A4GNT: variants seen among roughly 807,000 people sequenced by gnomAD.
A4GNT encodes alpha-1,4-N-acetylglucosaminyltransferase.
A4GNT carries 6 observed loss-of-function variants against 8.3 expected under a neutral mutation model. That is an observed-to-expected ratio of 0.72 (90% confidence interval 0.39 to 1.42). The LOEUF (loss-of-function observed/expected upper bound fraction) is 1.42. Ranked by LOEUF, A4GNT falls within the 40% of genes most tolerant of loss-of-function variation. A4GNT has a pLI of 0.02. For synonymous variants in A4GNT, 157 were observed against 159.8 expected, an observed-to-expected ratio of 0.98 and a Z score of 0.13; for missense variants, 377 against 417.0, an observed-to-expected ratio of 0.90 and a Z score of 0.84.
At chr3:138,128,504 C>G (rs2042759058) in intron 2 of A4GNT, among the ~76,000 whole-genome samples, 1 of 152,022 alleles carries the variant, frequency 6.6e-6, no homozygotes, top group African/African-American at 2.4e-5. Flanking sequence ...CACTTTTAAA[C>G]AACCAGATCT....
chr3:138,132,870 T>C (rs1015255457), upstream of A4GNT, among the ~76,000 whole-genome samples: 1 of 152,170 alleles, frequency 6.6e-6, no homozygotes, highest in Non-Finnish European at 1.5e-5. Context: ...TTCCCCAGTG[T>C]CAGTCACAGT....
chr3:138,124,102 T>G lies in A4GNT; in HGVS notation c.*162A>C. The G allele has an allele frequency of 2.2e-6, 2 of 928,138 alleles. No individual in the cohort carries two copies. Among genetic ancestry groups the G allele is most frequent in the Non-Finnish European group, 3.1e-6 (2 of 635,468 alleles). 57.5% of individuals were successfully genotyped at this position (928,138 alleles called of 1,614,324 possible). ...GGTGTATGTTTTATAGCCAGTATCA[T>G]TTGGGATTTTTCTATTACAGACAGA... On this transcript the variant is annotated 3_prime_UTR_variant, in exon 3 of 3. Transcript: ENST00000236709.
chr3:138,124,068 T>C lies in A4GNT; in HGVS notation c.*196A>G, dbSNP rs1342578947. 7.4e-6 allele frequency: 5 copies of C among 677,140 alleles called. No homozygotes were observed. The highest frequency in any genetic ancestry group is 1.2e-5 in the Non-Finnish European group (5 of 430,466). The allele number at this position is 677,140 out of a possible 1,614,324, so 41.9% of individuals were successfully genotyped here. ...GTGGGTTGGAGGTCAAGCAGTCAAA[T>C]GGACCATGGGTGTATGTTTTATAGC... On this transcript the variant is annotated 3_prime_UTR_variant, in exon 3 of 3. Transcript: ENST00000236709.
chr3:138,130,341 G>A (rs1576523497), intron 2 of A4GNT, among the ~76,000 whole-genome samples: 4 of 152,126 alleles, frequency 2.6e-5, no homozygotes. Context: ...CCCTTATTCT[G>A]GTTCACTACA....
At position 138,131,207 on chromosome 3, in the gene A4GNT, C is replaced by A. The variant is rs1481562130; in HGVS notation, c.50G>T (p.Cys17Phe). Residue 17 changes from cysteine (C) to phenylalanine (F), a missense_variant, in exon 2 of 3, where the codon TGT becomes TTT. Cys to Phe is a radical substitution (Grantham distance 205). Coordinates refer to ENST00000236709, the MANE Select transcript of A4GNT (RefSeq NM_016161.3). ...LSLSVTLLLV[C>F]GFLYQFTLKS... ...CAGGGTGAACTGGTAGAGGAAGCCA[C>A]AGACAAGCAGCAAGGTGACTGACAG... The A allele has an allele frequency of 7.5e-6, 12 of 1,607,082 alleles. No homozygotes were observed. The highest frequency in any genetic ancestry group is 2.7e-5 in the African/African-American group (2 of 74,750).
At chr3:138,129,989 A>G (rs2042766614) in intron 2 of A4GNT, among the ~76,000 whole-genome samples, 1 of 152,036 alleles carries the variant, frequency 6.6e-6, no homozygotes, top group Non-Finnish European at 1.5e-5. Context: ...AAATAATGTT[A>G]TTTATAAAAT....
In A4GNT at chr3:138,124,458, T is replaced by C; in HGVS notation, c.829A>G (p.Thr277Ala). 3 of 1,614,240 alleles carry C rather than the reference T, an allele frequency of 1.9e-6. No individual in the cohort carries two copies. Among genetic ancestry groups the C allele is most frequent in the South Asian group, 1.1e-5 (1 of 91,088 alleles). The change falls in exon 3 of 3, where the codon ACA (threonine) becomes GCA (alanine). Residue 277 changes from threonine to alanine, a missense_variant. By Grantham distance (58) the Thr-to-Ala change is moderately conservative. Coordinates refer to ENST00000236709, the MANE Select transcript of A4GNT (RefSeq NM_016161.3). ...EWRRYYEVWD[T>A]EPSFNVSYAL... ...TAAGAGACATTGAAGCTTGGCTCTG[T>C]ATCCCACACTTCATAGTAGCGCCTC...
chr3:138,124,919 A>G, intron 2 of A4GNT, 41 bp from the exon 3 acceptor site: 1 of 1,585,812 alleles, frequency 6.3e-7, no homozygotes, highest in African/African-American at 1.3e-5. Flanking sequence ...TAGCCAGGGG[A>G]AGAGGGAGGG....
At chr3:138,127,506 G>A (rs977826954) in intron 2 of A4GNT, among the ~76,000 whole-genome samples, 8 of 151,888 alleles carry the variant, frequency 5.3e-5, no homozygotes, top group South Asian at 2.1e-4. Context: ...CCCGGGAAGC[G>A]GAGGTTGTAG....
chr3:138,133,053 G>A (rs905344248), upstream of A4GNT, among the ~76,000 whole-genome samples: 1 of 152,328 alleles, frequency 6.6e-6, no homozygotes, highest in Non-Finnish European at 1.5e-5. Flanking sequence ...TGAGCTCTTA[G>A]CAATCTTCTT....
chr3:138,133,276 G>T (rs1340082434), upstream of A4GNT, among the ~76,000 whole-genome samples: 1 of 152,170 alleles, frequency 6.6e-6, no homozygotes, highest in Non-Finnish European at 1.5e-5. Flanking sequence ...CAGCTTGTAG[G>T]TCTCCACAAA....
chr3:138,129,961 A>T (rs961644959), intron 2 of A4GNT, among the ~76,000 whole-genome samples: 7 of 152,114 alleles, frequency 4.6e-5, no homozygotes, highest in Non-Finnish European at 1.0e-4. Flanking sequence ...CAATGTTTAG[A>T]TTACTTTTTG....
intron 2 of A4GNT, among the ~76,000 whole-genome samples, chr3:138,125,183 G>T (rs989692594): frequency 1.3e-5 from 2 of 152,088 alleles, no homozygotes; most frequent in Non-Finnish European, 2.9e-5. Context: ...ATCCAGAAAA[G>T]ATTTCACTAT....
At position 138,124,826 on chromosome 3, in the gene A4GNT, C is replaced by T. The variant is rs2042736039; in HGVS notation, c.461G>A (p.Arg154His). 13 of 1,613,726 alleles carry T rather than the reference C, an allele frequency of 8.1e-6. No homozygotes were observed. Among genetic ancestry groups the T allele is most frequent in the South Asian group, 1.1e-5 (1 of 91,056 alleles). ...ACCGTATTTCCAGATGATGGCCAGG[C>T]GGGATGCATCCGAGCTGATGTGGAG... ...NWLHISSDAS[R>H]LAIIWKYGGI... is the part of the protein sequence containing the mutation. Residue 154 changes from arginine to histidine, a missense_variant, in exon 3 of 3, where the codon CGC (arginine) becomes CAC (histidine). Transcript: ENST00000236709.
At chr3:138,128,457 CAA>C (rs1453894000) in intron 2 of A4GNT, among the ~76,000 whole-genome samples, 1 of 150,778 alleles carries the variant, frequency 6.6e-6, no homozygotes, top group Non-Finnish European at 1.5e-5. Context: ...AGAGCAGGAG[CAA>C]GAGAGAGAGT....
At chr3:138,126,090 A>G (rs1370582337) in intron 2 of A4GNT, among the ~76,000 whole-genome samples, 2 of 152,196 alleles carry the variant, frequency 1.3e-5, no homozygotes, top group Non-Finnish European at 2.9e-5. Flanking sequence ...GTAGATGGCA[A>G]GGGCAGAAGC....
At chr3:138,130,501 T>C (rs893084013) in intron 2 of A4GNT, among the ~76,000 whole-genome samples, 1 of 151,994 alleles carries the variant, frequency 6.6e-6, no homozygotes, top group Non-Finnish European at 1.5e-5. Flanking sequence ...GTTTCCACTT[T>C]AGGTGAAAAA....
chr3:138,130,923 C>A lies in A4GNT; in HGVS notation c.334G>T (p.Asp112Tyr). Residue 112 changes from aspartate (D) to tyrosine (Y), a missense_variant, in exon 2 of 3, where the codon GAC becomes TAC. Asp to Tyr is a radical substitution (Grantham distance 160). Transcript: ENST00000236709. ...YPAFSFLSAI[D>Y]NVFLFPLDMK... ...TCCAAAGGGAAGAGGAAAACGTTGT[C>A]TATTGCTGACAGGAAGGAAAAAGCT... 1 of 1,614,112 alleles carries A rather than the reference C, an allele frequency of 6.2e-7. No individual in the cohort carries two copies. The highest frequency in any genetic ancestry group is 8.5e-7 in the Non-Finnish European group (1 of 1,180,026).
chr3:138,125,153 A>T (rs2042738129), intron 2 of A4GNT, among the ~76,000 whole-genome samples: 1 of 152,236 alleles, frequency 6.6e-6, no homozygotes, highest in Admixed American at 6.5e-5. Flanking sequence ...ACATTAAAGC[A>T]TTGGAAAGAT....
Sources: gnomAD v4.1 joint callset for allele counts (sites outside exome capture counted in the v4.1 genomes callset) on GRCh38, gnomAD v4.1.1 for gene constraint, MANE v1.5 for transcripts, NCBI Gene and HGNC (gene_info 2026-07-23, HGNC 2026-07-21) for gene names.